Variants in UNC13B observed in about 807,000 individuals in gnomAD.
UNC13B encodes protein unc-13 homolog B.
Under a neutral mutation model 211.0 loss-of-function variants are expected in UNC13B, and 144 were observed. That is an observed-to-expected ratio of 0.68 (90% CI 0.60 to 0.78). The LOEUF (loss-of-function observed/expected upper bound fraction) is 0.78. Ranked by LOEUF, UNC13B falls within the 30% of genes least tolerant of loss-of-function variation. The probability of loss-of-function intolerance (pLI) is 0.00; values close to 1 mark genes in which losing one functional copy is unlikely to be tolerated. For missense variants in UNC13B, 1,777 were observed against 2,002.0 expected, an observed-to-expected ratio of 0.89 and a Z score of 2.14; for synonymous variants, 709 against 725.8, an observed-to-expected ratio of 0.98 and a Z score of 0.37.
chr9:35,250,054 C>T (rs1327048009), intron 6 of UNC13B, among the ~76,000 whole-genome samples: 1 of 152,038 alleles, frequency 6.6e-6, no homozygotes, highest in Admixed American at 6.6e-5. Flanking sequence ...ATGGATATCA[C>T]CACAACTCCA....
chr9:35,201,700 A>G (rs554198566), intron 1 of UNC13B, among the ~76,000 whole-genome samples: 1 of 151,976 alleles, frequency 6.6e-6, no homozygotes, highest in East Asian at 1.9e-4. Context: ...ATCATTTTTT[A>G]CTGCGTCTAT....
intron 26 of UNC13B, among the ~76,000 whole-genome samples, chr9:35,391,793 G>A (rs1260047711): frequency 6.6e-6 from 1 of 152,138 alleles, no homozygotes; most frequent in Non-Finnish European, 1.5e-5. Context: ...AGTGTGAGGT[G>A]GGGCAGAGGT....
At position 35,303,534 on chromosome 9, in the gene UNC13B, A is replaced by G. The variant is rs1829785081; in HGVS notation, c.4130A>G (p.Tyr1377Cys). The change falls in exon 9 of 40, where the codon TAT (tyrosine) becomes TGT (cysteine). Residue 1377 changes from tyrosine (Y) to cysteine (C), a missense_variant. Tyr to Cys is a radical substitution (Grantham distance 194). Coordinates refer to ENST00000635942, the MANE Select transcript of UNC13B (RefSeq NM_001371189.2). ...KNSRKLQPVY[Y>C]MLNQNRFLSA... The stretch of plus-strand genomic sequence containing the variant: ...TCCAGAAAACTTCAGCCAGTTTATT[A>G]TATGTTAAATCAAAATAGATTTCTA... The G allele has an allele frequency of 2.5e-6, 1 of 398,780 alleles. No individual in the cohort carries two copies. The highest frequency in any genetic ancestry group is 4.4e-5 in the Admixed American group (1 of 22,724). The allele number at this position is 398,780 out of a possible 1,614,324, so 24.7% of individuals were successfully genotyped here.
intron 13 of UNC13B, among the ~76,000 whole-genome samples, 180 bp downstream of exon 13, chr9:35,370,576 C>T (rs1289503205): frequency 6.6e-6 from 1 of 152,220 alleles, no homozygotes; most frequent in Admixed American, 6.5e-5. Context: ...CTACCTCACT[C>T]CCTAGTCAGA....
chr9:35,312,819 G>T (rs1263259213), intron 10 of UNC13B, among the ~76,000 whole-genome samples: 1 of 152,190 alleles, frequency 6.6e-6, no homozygotes, highest in Non-Finnish European at 1.5e-5. Context: ...TAGTGTTTCT[G>T]TCTCAAAGGT....
intron 5 of UNC13B, among the ~76,000 whole-genome samples, chr9:35,241,624 G>A (rs1426885661): frequency 6.6e-6 from 1 of 150,382 alleles, no homozygotes; most frequent in East Asian, 2.0e-4. Flanking sequence ...AACGCAAATA[G>A]TAGCATATTC....
chr9:35,312,418 T>C lies in UNC13B; in HGVS notation c.9324-1481T>C, dbSNP rs1334744657. 2.6e-5 allele frequency among the ~76,000 whole-genome samples: 4 copies of C among 152,202 alleles called. No homozygotes were observed. In the East Asian group the frequency reaches 7.7e-4, roughly 29 times the overall value. ...GAGGTGAGCTGTGGACCAGGCTTCT[T>C]ATTGGGTTGATGACTCACTGAAAAA... On this transcript the variant is annotated intron_variant, in intron 10 of 39. Coordinates refer to ENST00000635942, the MANE Select transcript of UNC13B (RefSeq NM_001371189.2).
chr9:35,164,115 C>G (rs1820911968), intron 1 of UNC13B, among the ~76,000 whole-genome samples: 1 of 152,166 alleles, frequency 6.6e-6, no homozygotes, highest in Admixed American at 6.5e-5. Flanking sequence ...CTCCTGGGTT[C>G]AAGTGATTCT....
Position 35,302,348 on chromosome 9 carries a change from G to T in UNC13B, c.2944G>T (p.Asp982Tyr). 2.5e-6 allele frequency: 1 copy of T among 398,526 alleles called. No individual in the cohort carries two copies. Among genetic ancestry groups the T allele is most frequent in the Non-Finnish European group, 4.4e-6 (1 of 225,750 alleles). The allele number at this position is 398,526 out of a possible 1,614,324, so 24.7% of individuals were successfully genotyped here. ...TATTCATGATGATCTAGAGAAGTTTGACAGTATAAAGGAATTTAATAAGAA... is the reference window on the plus strand; with the variant it reads ...TATTCATGATGATCTAGAGAAGTTTTACAGTATAAAGGAATTTAATAAGAA... ...PNIHDDLEKF[D>Y]SIKEFNKNDQ... The change falls in exon 9 of 40, where the codon GAC becomes TAC. Residue 982 changes from aspartate to tyrosine, a missense_variant. Transcript: ENST00000635942.
chr9:35,255,449 C>G (rs1826820240), intron 6 of UNC13B, among the ~76,000 whole-genome samples: 1 of 152,042 alleles, frequency 6.6e-6, no homozygotes, highest in Admixed American at 6.6e-5. Flanking sequence ...GTAATTCACT[C>G]AGAGCCAGCT....
chr9:35,182,572 A>C (rs1821999663), intron 1 of UNC13B, among the ~76,000 whole-genome samples: 1 of 151,974 alleles, frequency 6.6e-6, no homozygotes, highest in Non-Finnish European at 1.5e-5. Flanking sequence ...TCAGCAGATA[A>C]ACACGTGAAC....
In UNC13B at chr9:35,399,177, A is replaced by T. The variant is rs143639649; in HGVS notation, c.12091A>T (p.Thr4031Ser). 9.4e-5 allele frequency: 151 copies of T among 1,614,118 alleles called. No homozygotes were observed. The highest frequency in any genetic ancestry group is 1.2e-4 in the Non-Finnish European group (143 of 1,180,002). The change falls in exon 34 of 40, where the codon ACT (threonine) becomes TCT (serine). Residue 4031 changes from threonine to serine, a missense_variant. Coordinates refer to ENST00000635942, the MANE Select transcript of UNC13B (RefSeq NM_001371189.2). Reference sequence around the variant, plus strand: ...GACTTGCAGCCTCACCCTCTTTGCCACTGTGTGTGAGAAGACGGTTCTGAA... The same window carrying T: ...GACTTGCAGCCTCACCCTCTTTGCCTCTGTGTGTGAGAAGACGGTTCTGAA... ...FLDGNLTLFATVCEKTVLKRV... is the reference protein window; with the variant it reads ...FLDGNLTLFASVCEKTVLKRV...
intron 4 of UNC13B, 103 bp from the exon 5 acceptor site, chr9:35,237,600 C>T: frequency 6.9e-7 from 1 of 1,454,898 alleles, no homozygotes; most frequent in South Asian, 1.3e-5. Flanking sequence ...TGTGAATGGC[C>T]CTCAGAAGCT....
chr9:35,319,454 C>T (rs1172078407), intron 11 of UNC13B, among the ~76,000 whole-genome samples: 1 of 145,404 alleles, frequency 6.9e-6, no homozygotes. Flanking sequence ...CAGGGGATAC[C>T]TGTGCAGGTT....
At chr9:35,175,156 G>T (rs539418143) in intron 1 of UNC13B, among the ~76,000 whole-genome samples, 9 of 152,378 alleles carry the variant, frequency 5.9e-5, no homozygotes, top group African/African-American at 2.2e-4. Context: ...GGGTTCCGTT[G>T]AGTTTGTGGG....
At chr9:35,173,235 A>T (rs1821427832) in intron 1 of UNC13B, among the ~76,000 whole-genome samples, 1 of 152,138 alleles carries the variant, frequency 6.6e-6, no homozygotes, top group African/African-American at 2.4e-5. Flanking sequence ...ATTAGTTATG[A>T]AGCAAATTTT....
chr9:35,170,841 C>T (rs545357115), intron 1 of UNC13B, among the ~76,000 whole-genome samples: 1 of 151,832 alleles, frequency 6.6e-6, no homozygotes, highest in South Asian at 2.1e-4. Context: ...GGTTCTTATT[C>T]TGTTGCTTAG....
intron 10 of UNC13B, among the ~76,000 whole-genome samples, chr9:35,312,238 G>A (rs947682818): frequency 1.3e-5 from 2 of 152,176 alleles, no homozygotes; most frequent in Admixed American, 1.3e-4. Flanking sequence ...CAGATTACAT[G>A]GTAAAAATTA....
At chr9:35,345,460 A>G (rs892785760) in intron 11 of UNC13B, among the ~76,000 whole-genome samples, 27 of 152,142 alleles carry the variant, frequency 1.8e-4, no homozygotes, top group African/African-American at 6.3e-4. Flanking sequence ...GTAGGGGATA[A>G]GAAATTTGGT....
Sources: gnomAD v4.1 joint callset for allele counts (sites outside exome capture counted in the v4.1 genomes callset) on GRCh38, gnomAD v4.1.1 for gene constraint, MANE v1.5 for transcripts, NCBI Gene and HGNC (gene_info 2026-07-23, HGNC 2026-07-21) for gene names.